The following GRID2 variants were observed in gnomAD, a reference collection of about 807,000 sequenced individuals.
The protein encoded by GRID2 is glutamate ionotropic receptor delta type subunit 2, also known as glutamate receptor ionotropic, delta-2.
Under a neutral mutation model 114.8 loss-of-function variants are expected in GRID2, and 33 were observed. The ratio of observed to expected loss-of-function variants is 0.29; its 90% confidence interval spans 0.22 to 0.38. GRID2 has a LOEUF of 0.38. Ranked by LOEUF, GRID2 falls within the 10% of genes least tolerant of loss-of-function variation. GRID2 has a pLI of 1.00. For synonymous variants in GRID2, 505 were observed against 449.9 expected, an observed-to-expected ratio of 1.12 and a Z score of -1.55; for missense variants, 1,184 against 1,257.7, an observed-to-expected ratio of 0.94 and a Z score of 0.89.
At chr4:92,629,256 T>G (rs1211864377) in intron 2 of GRID2, among the ~76,000 whole-genome samples, 4 of 152,170 alleles carry the variant, frequency 2.6e-5, no homozygotes, top group African/African-American at 9.6e-5. Context: ...TCCTCAGATA[T>G]GCAACATTTA....
chr4:93,404,431 T>A (rs1202540082), intron 9 of GRID2, among the ~76,000 whole-genome samples: 4 of 151,796 alleles, frequency 2.6e-5, no homozygotes, highest in Non-Finnish European at 2.9e-5. Flanking sequence ...AAAGAGAGAG[T>A]CTGGTTCCCC....
chr4:93,283,068 T>A (rs1394155379), intron 8 of GRID2, among the ~76,000 whole-genome samples: 2 of 152,038 alleles, frequency 1.3e-5, no homozygotes, highest in African/African-American at 2.4e-5. Context: ...CAGTTCAGCA[T>A]GAGATTTGGA....
intron 14 of GRID2, among the ~76,000 whole-genome samples, chr4:93,701,482 C>G (rs1193055552): frequency 6.6e-6 from 1 of 152,042 alleles, no homozygotes; most frequent in Non-Finnish European, 1.5e-5. Context: ...AGCCTACTTT[C>G]TAAATTAATG....
chr4:93,720,541 A>G (rs1249316733), intron 14 of GRID2, among the ~76,000 whole-genome samples: 1 of 152,234 alleles, frequency 6.6e-6, no homozygotes, highest in East Asian at 1.9e-4. Context: ...CATTTTCTAT[A>G]CACCAGGTAC....
At chr4:93,369,663 T>C (rs1762683134) in intron 8 of GRID2, among the ~76,000 whole-genome samples, 1 of 151,986 alleles carries the variant, frequency 6.6e-6, no homozygotes, top group Non-Finnish European at 1.5e-5. Context: ...TAATATTTCA[T>C]TTTTTTGTAG....
chr4:93,300,661 C>T (rs1286216976), intron 8 of GRID2, among the ~76,000 whole-genome samples: 1 of 152,178 alleles, frequency 6.6e-6, no homozygotes, highest in African/African-American at 2.4e-5. Flanking sequence ...GCCCATAATA[C>T]TGTAGCAGGA....
chr4:92,952,457 A>G (rs72665220), intron 2 of GRID2, among the ~76,000 whole-genome samples: 2 of 152,340 alleles, frequency 1.3e-5, no homozygotes, highest in South Asian at 2.1e-4. Context: ...TGAAATTATT[A>G]CAATAACTCA....
At chr4:92,914,767 T>C (rs1418920413) in intron 2 of GRID2, among the ~76,000 whole-genome samples, 1 of 152,172 alleles carries the variant, frequency 6.6e-6, no homozygotes, top group Non-Finnish European at 1.5e-5. Flanking sequence ...TTTTTATGGC[T>C]GCATAGTATT....
chr4:93,651,728 T>C (rs1355500329), intron 14 of GRID2, among the ~76,000 whole-genome samples: 1 of 152,218 alleles, frequency 6.6e-6, no homozygotes, highest in African/African-American at 2.4e-5. Context: ...TAACGTGAAC[T>C]TGTTTGAAAA....
chr4:92,552,329 A>G (rs1340951252), intron 1 of GRID2, among the ~76,000 whole-genome samples: 1 of 152,142 alleles, frequency 6.6e-6, no homozygotes, highest in African/African-American at 2.4e-5. Flanking sequence ...CACAACAGCC[A>G]AAAATGAATA....
At chr4:93,016,228 A>T (rs1414785806) in intron 2 of GRID2, among the ~76,000 whole-genome samples, 1 of 152,110 alleles carries the variant, frequency 6.6e-6, no homozygotes, top group Non-Finnish European at 1.5e-5. Flanking sequence ...AAAAATTGGA[A>T]TAGAAAATAT....
At chr4:93,102,529 T>C (rs1266581388) in intron 3 of GRID2, among the ~76,000 whole-genome samples, 2 of 152,042 alleles carry the variant, frequency 1.3e-5, no homozygotes, top group Admixed American at 1.3e-4. Context: ...GTTTTCAAAG[T>C]AGAGTCAGTA....
intron 1 of GRID2, among the ~76,000 whole-genome samples, chr4:92,313,607 G>C (rs72660097): frequency 6.6e-6 from 1 of 151,788 alleles, no homozygotes; most frequent in Non-Finnish European, 1.5e-5. Flanking sequence ...GGAGAGCAGC[G>C]GATGCAGGAA....
chr4:92,787,499 A>T (rs1739373585), intron 2 of GRID2, among the ~76,000 whole-genome samples: 1 of 151,926 alleles, frequency 6.6e-6, no homozygotes, highest in African/African-American at 2.4e-5. Flanking sequence ...AGGAGGGGAC[A>T]GCTGGTGAAA....
intron 2 of GRID2, among the ~76,000 whole-genome samples, chr4:92,608,148 C>A (rs1729549772): frequency 6.6e-6 from 1 of 151,750 alleles, no homozygotes; most frequent in Non-Finnish European, 1.5e-5. Context: ...AGAATGTAAA[C>A]ATCATGCTGC....
chr4:92,886,678 C>T (rs376156349), intron 2 of GRID2, among the ~76,000 whole-genome samples: 4 of 152,154 alleles, frequency 2.6e-5, no homozygotes, highest in South Asian at 2.1e-4. Flanking sequence ...CAGGCTGGAG[C>T]GCAGCGGAGC....
At chr4:93,226,072 A>G (rs1046092074) in intron 7 of GRID2, among the ~76,000 whole-genome samples, 1 of 152,168 alleles carries the variant, frequency 6.6e-6, no homozygotes, top group African/African-American at 2.4e-5. Flanking sequence ...CCATTGCAAT[A>G]GCAATTAAGT....
intron 2 of GRID2, among the ~76,000 whole-genome samples, chr4:92,689,884 C>T (rs1461698396): frequency 6.6e-6 from 1 of 152,178 alleles, no homozygotes; most frequent in African/African-American, 2.4e-5. Context: ...TTCCTTACCT[C>T]ACTCAGCCTT....
intron 13 of GRID2, among the ~76,000 whole-genome samples, chr4:93,573,831 T>C (rs1010006337): frequency 2.6e-5 from 4 of 152,128 alleles, no homozygotes; most frequent in South Asian, 2.1e-4. Flanking sequence ...AGATAAAACA[T>C]TGTTGAAATA....
Sources: gnomAD v4.1 joint callset for allele counts (sites outside exome capture counted in the v4.1 genomes callset) on GRCh38, gnomAD v4.1.1 for gene constraint, MANE v1.5 for transcripts, NCBI Gene and HGNC (gene_info 2026-07-23, HGNC 2026-07-21) for gene names.